The following ATRX variants were observed in gnomAD, a reference collection of about 807,000 sequenced individuals.
The protein encoded by ATRX is chromatin remodeler ATRX.
Under a neutral mutation model 172.6 loss-of-function variants are expected in ATRX, and 12 were observed. The observed-to-expected ratio is 0.07, with a 90% confidence interval of 0.04 to 0.11. The LOEUF (loss-of-function observed/expected upper bound fraction) is 0.11, where lower values mean the gene tolerates loss of function less well. Among genes scored for constraint, ATRX ranks in the 10% least tolerant of loss-of-function variants. ATRX has a pLI of 1.00. For missense variants in ATRX, 1,368 were observed against 1,767.4 expected, an observed-to-expected ratio of 0.77 and a Z score of 4.05; for synonymous variants, 674 against 594.7, an observed-to-expected ratio of 1.13 and a Z score of -1.94.
Position 77,748,541 on chromosome X carries a change from AAAG to A in ATRX, c.21-31301_21-31299del, listed in dbSNP as rs1372695789. Among the ~76,000 whole-genome samples the A allele has an allele frequency of 4.5e-5, 5 of 112,307 alleles. No individual in the cohort carries two copies. The Admixed American group carries it at 4.7e-4, about 11-fold the overall frequency. ...TCTTATTCCAAAAATAATTAAATAAAAAGAAGATAACATTGAAACAGAACTAAA... is the reference window on the plus strand; with the variant it reads ...TCTTATTCCAAAAATAATTAAATAAAAAGATAACATTGAAACAGAACTAAA... On this transcript the variant is annotated intron_variant, in intron 1 of 34. Coordinates refer to ENST00000373344, the MANE Select transcript of ATRX (RefSeq NM_000489.6).
chrX:77,576,537 T>C (rs1276349479), intron 27 of ATRX, among the ~76,000 whole-genome samples: 1 of 111,293 alleles, frequency 9.0e-6, no homozygotes, highest in African/African-American at 3.3e-5. Flanking sequence ...TCATTCTCTG[T>C]ATAAAAAAAC....
At chrX:77,773,014 ATTTT>A (rs781825946) in intron 1 of ATRX, among the ~76,000 whole-genome samples, 2 of 80,323 alleles carry the variant, frequency 2.5e-5, no homozygotes, top group Non-Finnish European at 4.7e-5. Context: ...CACCTGGCTA[ATTTT>A]TTTTTTTTTT....
chrX:77,737,975 C>T (rs2148834787), intron 1 of ATRX, among the ~76,000 whole-genome samples: 1 of 111,317 alleles, frequency 9.0e-6, no homozygotes, highest in East Asian at 2.8e-4. Context: ...CTTATAAGAA[C>T]CTTATTACAG....
chrX:77,579,445 GCA>G (rs1215035114), intron 27 of ATRX, among the ~76,000 whole-genome samples: 5 of 99,049 alleles, frequency 5.0e-5, no homozygotes. Context: ...AGGCAACTCA[GCA>G]CAGAGAGACT....
chrX:77,547,168 C>T (rs2064275659), intron 30 of ATRX, among the ~76,000 whole-genome samples: 1 of 111,290 alleles, frequency 9.0e-6, no homozygotes, highest in Admixed American at 9.6e-5. Flanking sequence ...ATTTCTATGA[C>T]CTTAAGCAGC....
intron 20 of ATRX, among the ~76,000 whole-genome samples, 170 bp from the exon 21 acceptor site, chrX:77,619,151 TGA>T (rs1282316607): frequency 8.9e-6 from 1 of 111,761 alleles, no homozygotes; most frequent in Admixed American, 9.5e-5. Context: ...GATCTACAAG[TGA>T]ATTACCAAAA....
intron 21 of ATRX, among the ~76,000 whole-genome samples, chrX:77,618,518 G>C (rs1333618795): frequency 9.0e-6 from 1 of 111,478 alleles, no homozygotes; most frequent in Admixed American, 9.6e-5. Context: ...TCCTCTTAAG[G>C]AACTCCCTAT....
chrX:77,697,727 G>A, intron 3 of ATRX, 92 bp from the exon 4 acceptor site: 2 of 697,931 alleles, frequency 2.9e-6, no homozygotes, highest in Non-Finnish European at 4.4e-6. Flanking sequence ...TCAATACAGT[G>A]ATATAATGAG....
intron 25 of ATRX, 108 bp downstream of exon 25, chrX:77,599,300 GGAA>G (rs781915609): frequency 1.2e-6 from 1 of 865,066 alleles, no homozygotes; most frequent in East Asian, 3.1e-5. Flanking sequence ...CATCAATTGA[GGAA>G]AGATTCCTTT....
intron 15 of ATRX, chrX:77,651,898 T>C: frequency 2.4e-6 from 1 of 415,952 alleles, no homozygotes; most frequent in Non-Finnish European, 4.1e-6. Flanking sequence ...ATTCTACTCT[T>C]AAAATGCTGA....
At chrX:77,599,073 T>C (rs942854982) in intron 25 of ATRX, among the ~76,000 whole-genome samples, 4 of 112,259 alleles carry the variant, frequency 3.6e-5, no homozygotes, top group Non-Finnish European at 7.5e-5. Flanking sequence ...CCAGTTCTCC[T>C]ACTCATTTTT....
rs781849044 is a variant in ATRX, at chrX:77,654,135, C to T, written c.4280G>A (p.Arg1427His). 2 of 1,210,304 alleles carry T rather than the reference C, an allele frequency of 1.7e-6. No individual in the cohort carries two copies. The highest frequency in any genetic ancestry group is 1.1e-6 in the Non-Finnish European group (1 of 894,524). Residue 1427 changes from arginine to histidine, a missense_variant, in exon 14 of 35, where the codon CGT becomes CAT. Arg to His is a conservative substitution (Grantham distance 29, BLOSUM62 0). This residue lies in a region of ATRX where 119 missense variants were observed against 131.3 expected (regional missense o/e 0.91). Transcript: ENST00000373344. ...RSYKQKKKRR[R>H]IKVQEDSSSE... Reference sequence around the variant, plus strand: ...GGATGAATCTTCTTGAACCTTAATACGTCGCCTTTTCTTTTTCTGTTTATA... The same window carrying T: ...GGATGAATCTTCTTGAACCTTAATATGTCGCCTTTTCTTTTTCTGTTTATA...
chrX:77,727,612 A>AT (rs1275325311), intron 1 of ATRX, among the ~76,000 whole-genome samples: 1 of 108,085 alleles, frequency 9.3e-6, no homozygotes, highest in Non-Finnish European at 1.9e-5. Flanking sequence ...GTTCTCACTC[A>AT]TAAGTGGGAG....
intron 19 of ATRX, among the ~76,000 whole-genome samples, chrX:77,624,457 C>A (rs1557101773): frequency 9.0e-6 from 1 of 111,471 alleles, no homozygotes; most frequent in African/African-American, 3.3e-5. Context: ...TGACGATTAT[C>A]GTTTACCTTG....
At chrX:77,742,114 C>T (rs996216681) in intron 1 of ATRX, among the ~76,000 whole-genome samples, 9 of 110,720 alleles carry the variant, frequency 8.1e-5, no homozygotes, top group African/African-American at 3.0e-4. Flanking sequence ...ATATTTAATG[C>T]CACTGAATTG....
At position 77,653,797 on chromosome X, in the gene ATRX, G is replaced by A. The variant is rs148638497; in HGVS notation, c.4317+301C>T. On this transcript the variant is annotated intron_variant, in intron 14 of 34. Coordinates refer to ENST00000373344, the MANE Select transcript of ATRX (RefSeq NM_000489.6). ...TGAGAAGAAATTTATTCATATATGA[G>A]TCATCATTCAGGATAGTATTTTGTC... is the stretch of plus-strand genomic sequence containing the variant. Among the ~76,000 whole-genome samples, 2,610 of 111,377 alleles carry A rather than the reference G, an allele frequency of 0.023. 72 individuals are homozygous for A. Among genetic ancestry groups the A allele is most frequent in the African/African-American group, 0.082 (2,500 of 30,674 alleles).
chrX:77,507,831 G>A lies in ATRX; in HGVS notation c.*520C>T. The A allele has an allele frequency of 5.7e-6, 1 of 175,836 alleles. No homozygotes were observed. The highest frequency in any genetic ancestry group is 1.1e-5 in the Non-Finnish European group (1 of 91,854). 14.5% of individuals were successfully genotyped at this position (175,836 alleles called of 1,213,427 possible). Reference sequence around the variant, plus strand: ...TTCAGTCACAGAGACAATAAAGCAGGAGCCCAGTTTCAGACTTCAGTCAAA... The same window carrying A: ...TTCAGTCACAGAGACAATAAAGCAGAAGCCCAGTTTCAGACTTCAGTCAAA... On this transcript the variant is annotated 3_prime_UTR_variant, in exon 35 of 35. Transcript: ENST00000373344.
chrX:77,764,206 A>G (rs2075827608), intron 1 of ATRX, among the ~76,000 whole-genome samples: 1 of 112,330 alleles, frequency 8.9e-6, no homozygotes, highest in Non-Finnish European at 1.9e-5. Context: ...TCAATTTTTT[A>G]TATTAAAGGT....
intron 10 of ATRX, among the ~76,000 whole-genome samples, chrX:77,671,167 A>AAAAAAAAATAT (rs1424480831): frequency 1.9e-4 from 3 of 15,733 alleles, no homozygotes; most frequent in Non-Finnish European, 3.5e-4. Flanking sequence ...AAAAAAAAAA[A>AAAAAAAAATAT]ATATATATAT....
Sources: allele counts gnomAD v4.1 joint callset (sites outside exome capture counted in the v4.1 genomes callset), GRCh38; gene constraint gnomAD v4.1.1; regional missense constraint gnomAD v4.1.1; transcripts MANE v1.5; gene names NCBI Gene and HGNC (gene_info 2026-07-23, HGNC 2026-07-21).